AKAP7: variants seen among roughly 807,000 people sequenced by gnomAD.
AKAP7 encodes the protein A-kinase anchoring protein 7, also known as A kinase (PRKA) anchor protein 7.
A neutral mutation model predicts 39.5 loss-of-function variants in AKAP7; 39 were observed. The observed-to-expected ratio is 0.99, with a 90% CI of 0.76 to 1.29. AKAP7 has a LOEUF of 1.29. AKAP7 is among the 50% of genes most tolerant of loss of function. The probability of loss-of-function intolerance (pLI) is 0.00; values close to 1 mark genes in which losing one functional copy is unlikely to be tolerated. For missense variants in AKAP7, 414 were observed against 407.7 expected, an observed-to-expected ratio of 1.02 and a Z score of -0.13; for synonymous variants, 140 against 139.1, an observed-to-expected ratio of 1.01 and a Z score of -0.05.
At chr6:131,153,366 A>G (rs1397249537) in intron 2 of AKAP7, among the ~76,000 whole-genome samples, 1 of 152,218 alleles carries the variant, frequency 6.6e-6, no homozygotes, top group Non-Finnish European at 1.5e-5. Flanking sequence ...GGAAAGTTAA[A>G]TAGTTATTGG....
At chr6:131,254,266 A>G (rs1208778871) in intron 7 of AKAP7, among the ~76,000 whole-genome samples, 1 of 152,214 alleles carries the variant, frequency 6.6e-6, no homozygotes, top group African/African-American at 2.4e-5. Context: ...AACAAATACT[A>G]TAGGTATTTT....
At position 131,281,711 on chromosome 6, in the gene AKAP7, GAAC is replaced by G. The variant is rs774452193; in HGVS notation, c.1037_1039del (p.Asn346del). On this transcript the variant is annotated inframe_deletion, in exon 8 of 8. Transcript: ENST00000431975. This position sits in a 1 kb window ranked among gnomAD's most constrained non-coding sequence, Gnocchi z 4.0. ...CTGATCAGAATGGCAATGACAATGA[GAAC>G]AACAGGAAATGAGCCCGGAACGCAG... The G allele has an allele frequency of 7.5e-6, 12 of 1,605,712 alleles. No individual in the cohort carries two copies. Among genetic ancestry groups the G allele is most frequent in the South Asian group, 6.7e-5 (6 of 89,746 alleles).
intron 2 of AKAP7, among the ~76,000 whole-genome samples, chr6:131,156,272 A>AT (rs1359524804): frequency 1.9e-4 from 29 of 152,202 alleles, no homozygotes; most frequent in African/African-American, 7.0e-4. Context: ...TTTAGAATTG[A>AT]TTTGTAATTT....
intron 6 of AKAP7, 77 bp downstream of exon 6, chr6:131,199,650 A>T (rs1378500427): frequency 3.4e-6 from 4 of 1,166,536 alleles, no homozygotes; most frequent in South Asian, 1.3e-5. Context: ...CACGAGTGAC[A>T]TTGCTGTGGT....
intron 6 of AKAP7, among the ~76,000 whole-genome samples, chr6:131,205,858 T>C (rs2128286644): frequency 6.6e-6 from 1 of 152,352 alleles, no homozygotes; most frequent in South Asian, 2.1e-4. Flanking sequence ...CAGAAAATCA[T>C]ATTAAATTAC....
chr6:131,160,719 A>G (rs922381900), intron 3 of AKAP7, among the ~76,000 whole-genome samples: 8 of 152,230 alleles, frequency 5.3e-5, no homozygotes, highest in Non-Finnish European at 1.2e-4. Context: ...CTTGTTTATT[A>G]TAGTGATTAT....
At chr6:131,254,753 C>G (rs2128321750) in intron 7 of AKAP7, among the ~76,000 whole-genome samples, 1 of 152,178 alleles carries the variant, frequency 6.6e-6, no homozygotes, top group Non-Finnish European at 1.5e-5. Context: ...TCTTTCTAGT[C>G]CTGATATTCT....
In AKAP7 at chr6:131,194,647, T is replaced by C. The variant is rs1236381369; in HGVS notation, c.590-4814T>C. 1.5e-4 allele frequency among the ~76,000 whole-genome samples: 23 copies of C among 152,124 alleles called. 1 individual carries two copies. The highest frequency in any genetic ancestry group is 1.5e-3 in the Admixed American group (23 of 15,270). Reference sequence around the variant, plus strand: ...GGGGTGTTGAAGTATCCAGGAAGTATGCAGCTATTATTGTATTGGAGTCTC... The same window carrying C: ...GGGGTGTTGAAGTATCCAGGAAGTACGCAGCTATTATTGTATTGGAGTCTC... On this transcript the variant is annotated intron_variant, in intron 5 of 7. Transcript: ENST00000431975.
chr6:131,140,590 G>A (rs952580686), intron 1 of AKAP7, among the ~76,000 whole-genome samples: 4 of 152,198 alleles, frequency 2.6e-5, no homozygotes, highest in Admixed American at 2.6e-4. Flanking sequence ...TTGGAAGCTA[G>A]TAGTGAGATG....
chr6:131,196,267 C>CTTTTTTTTTTTTTTTTTT (rs199967369), intron 5 of AKAP7, among the ~76,000 whole-genome samples: 1 of 133,940 alleles, frequency 7.5e-6, no homozygotes. Flanking sequence ...ATGTCAGTTG[C>CTTTTTTTTTTTTTTTTTT]TTTTTTTTTT....
At chr6:131,249,540 G>A (rs1047992961) in intron 7 of AKAP7, among the ~76,000 whole-genome samples, 1 of 152,106 alleles carries the variant, frequency 6.6e-6, no homozygotes, top group Admixed American at 6.5e-5. Flanking sequence ...AAATAGAGGA[G>A]TAAGAAAGAA....
intron 5 of AKAP7, among the ~76,000 whole-genome samples, chr6:131,176,457 C>T (rs1278057056): frequency 6.6e-6 from 1 of 152,000 alleles, no homozygotes; most frequent in Non-Finnish European, 1.5e-5. Context: ...TATGTGATTT[C>T]ATTCATTTTT....
intron 7 of AKAP7, among the ~76,000 whole-genome samples, chr6:131,251,087 C>G (rs546766040): frequency 6.6e-6 from 1 of 152,196 alleles, no homozygotes; most frequent in East Asian, 1.9e-4. Context: ...TTCATGTGTC[C>G]CCTGCTTTGT....
Position 131,282,316 on chromosome 6 carries a change from T to C in AKAP7, c.*590T>C. On this transcript the variant is annotated 3_prime_UTR_variant, in exon 8 of 8. Coordinates refer to ENST00000431975, the MANE Select transcript of AKAP7 (RefSeq NM_016377.4). ...CTTTTCTATAAAATGTGGGCAACAT[T>C]TTAAAGTTTTTTTAAAATCCTATTT... 1 of 1,359,934 alleles carries C rather than the reference T, an allele frequency of 7.4e-7. No homozygotes were observed. The highest frequency in any genetic ancestry group is 9.4e-7 in the Non-Finnish European group (1 of 1,059,348). 84.2% of individuals were successfully genotyped at this position (1,359,934 alleles called of 1,614,324 possible).
chr6:131,253,057 T>G, intron 7 of AKAP7: 1 of 1,613,618 alleles, frequency 6.2e-7, no homozygotes, highest in Non-Finnish European at 8.5e-7. Flanking sequence ...AAGCTCGTCC[T>G]CTGCAGTCCT....
intron 5 of AKAP7, among the ~76,000 whole-genome samples, chr6:131,186,439 T>A (rs923442400): frequency 7.2e-5 from 11 of 152,264 alleles, no homozygotes; most frequent in Non-Finnish European, 1.2e-4. Flanking sequence ...ATTTTTTTTT[T>A]AAATAGCAAT....
intron 7 of AKAP7, among the ~76,000 whole-genome samples, chr6:131,241,623 G>GTATATA (rs1228757342): frequency 1.5e-5 from 1 of 68,576 alleles, no homozygotes; most frequent in Non-Finnish European, 3.5e-5. Flanking sequence ...GTGTGTGTGT[G>GTATATA]TGTGTATATA....
In AKAP7 at chr6:131,184,920, A is replaced by C. The variant is rs568792567; in HGVS notation, c.590-14541A>C. ...TGGAAGCATCCAGCTCCTTATGGGC[A>C]CTGCCACACCTTTACCCTTGGATTA... On this transcript the variant is annotated intron_variant, in intron 5 of 7. Transcript: ENST00000431975. 2.2e-4 allele frequency: 192 copies of C among 874,512 alleles called. No homozygotes were observed. In the African/African-American group the frequency reaches 2.7e-3, roughly 12 times the overall value. 54.2% of individuals were successfully genotyped at this position (874,512 alleles called of 1,614,324 possible).
At chr6:131,193,675 C>G (rs1312671649) in intron 5 of AKAP7, among the ~76,000 whole-genome samples, 1 of 152,098 alleles carries the variant, frequency 6.6e-6, no homozygotes, top group East Asian at 1.9e-4. Context: ...GTGAAGACAT[C>G]AGGTCCCAAG....
Sources: gnomAD v4.1 joint callset for allele counts (sites outside exome capture counted in the v4.1 genomes callset) on GRCh38, gnomAD v4.1.1 for gene constraint, Gnocchi (gnomAD v3.1) non-coding constraint, MANE v1.5 for transcripts, NCBI Gene and HGNC (gene_info 2026-07-23, HGNC 2026-07-21) for gene names.